CHID1: variants seen among roughly 807,000 people sequenced by gnomAD.
CHID1 encodes the protein chitinase domain containing 1, also known as chitinase domain-containing protein 1.
CHID1 carries 44 observed loss-of-function variants against 55.4 expected under a neutral mutation model. The ratio of observed to expected loss-of-function variants is 0.79; its 90% CI spans 0.62 to 1.02. The LOEUF (loss-of-function observed/expected upper bound fraction) is 1.02, where lower values mean the gene tolerates loss of function less well. Among genes scored for constraint, CHID1 ranks in the 50% least tolerant of loss-of-function variants. The pLI is 0.00. For synonymous variants in CHID1, 216 were observed against 212.9 expected, an observed-to-expected ratio of 1.01 and a Z score of -0.13; for missense variants, 491 against 515.3, an observed-to-expected ratio of 0.95 and a Z score of 0.46.
rs76779017 is a variant in CHID1 at position 907,479 on chromosome 11, TA to T, written c.-43-2621del. ...CTGGGCGACGGTGCGAGACTGTCTT[TA>T]AAAAAAAAAAAAAAGTGATTCTACT... On this transcript the variant is annotated intron_variant, in intron 1 of 12. Transcript: ENST00000323578. 8.1e-3 allele frequency among the ~76,000 whole-genome samples: 1,155 copies of T among 141,836 alleles called. 6 individuals carry two copies. The highest frequency in any genetic ancestry group is 0.032 in the Admixed American group (456 of 14,270). The allele number at this position is 141,836 out of a possible 152,430, so 93.0% of individuals were successfully genotyped here.
chr11:877,150 G>A (rs1405163327), intron 10 of CHID1, among the ~76,000 whole-genome samples: 2 of 152,094 alleles, frequency 1.3e-5, no homozygotes, highest in East Asian at 3.9e-4. Flanking sequence ...GGGTCCTGAG[G>A]GCATACACCC....
intron 8 of CHID1, among the ~76,000 whole-genome samples, chr11:885,036 G>T (rs1466265629): frequency 6.6e-6 from 1 of 152,238 alleles, no homozygotes; most frequent in Non-Finnish European, 1.5e-5. Context: ...CAACACCGAG[G>T]GGGCGGAGGG....
chr11:914,366 C>G (rs193139764), upstream of CHID1: 428 of 420,292 alleles, frequency 1.0e-3, 5 homozygotes, highest in East Asian at 0.023. Context: ...CCAGGTCTGA[C>G]CTGCCCTGAG....
chr11:870,403 A>C lies in CHID1; in HGVS notation c.1040+16T>G. 2 of 1,600,022 alleles carry C rather than the reference A, an allele frequency of 1.2e-6. No individual in the cohort carries two copies. Among genetic ancestry groups the C allele is most frequent in the Non-Finnish European group, 1.7e-6 (2 of 1,170,152 alleles). The stretch of plus-strand genomic sequence containing the variant: ...CACACAAGGCCAAGGTGGGCCACGC[A>C]CTTCAAAACACTCACTTCTTGTACT... On this transcript the variant is annotated intron_variant, in intron 11 of 12. Transcript: ENST00000323578.
intron 7 of CHID1, among the ~76,000 whole-genome samples, chr11:896,144 A>G (rs1341308017): frequency 6.9e-6 from 1 of 145,660 alleles, no homozygotes; most frequent in Non-Finnish European, 1.5e-5. Context: ...CCCAGACACG[A>G]GCCTGTCTCA....
intron 2 of CHID1, among the ~76,000 whole-genome samples, chr11:904,311 A>C (rs937192674): frequency 2.0e-5 from 3 of 152,228 alleles, no homozygotes; most frequent in African/African-American, 7.2e-5. Context: ...TGCAATCCCC[A>C]GGGCCATCCC....
intron 5 of CHID1, 26 bp downstream of exon 5, chr11:900,910 C>T (rs1003397685): frequency 1.9e-6 from 3 of 1,592,442 alleles, no homozygotes; most frequent in Non-Finnish European, 2.6e-6. Flanking sequence ...CCATCAGGGC[C>T]TCCACTCCTG....
At chr11:884,296 T>A (rs1850235092) in intron 8 of CHID1, 127 bp from the exon 9 acceptor site, 1 of 663,528 alleles carries the variant, frequency 1.5e-6, no homozygotes, top group Non-Finnish European at 2.6e-6. Flanking sequence ...AGTGTTCTTC[T>A]GGGGTGGGGA....
chr11:872,216 G>A (rs1798223548), intron 10 of CHID1, among the ~76,000 whole-genome samples: 1 of 152,188 alleles, frequency 6.6e-6, no homozygotes, highest in Non-Finnish European at 1.5e-5. Context: ...GGAGTGCAGT[G>A]GCATGATCTT....
intron 1 of CHID1, among the ~76,000 whole-genome samples, chr11:905,628 C>T (rs1284546278): frequency 6.6e-6 from 1 of 151,904 alleles, no homozygotes; most frequent in African/African-American, 2.4e-5. Flanking sequence ...CAAGATCATG[C>T]CACTGCACTC....
At chr11:895,683 T>C (rs192875511) in intron 7 of CHID1, among the ~76,000 whole-genome samples, 48 of 152,260 alleles carry the variant, frequency 3.2e-4, no homozygotes, top group African/African-American at 1.1e-3. Context: ...CCTGAGCCTC[T>C]GTCCAGGGCC....
At chr11:893,329 G>A (rs1850979937) in intron 8 of CHID1, 98 bp downstream of exon 8, 1 of 939,114 alleles carries the variant, frequency 1.1e-6, no homozygotes. Flanking sequence ...TGGGTGCTGA[G>A]CAGGAGGGCC....
At chr11:892,131 A>G (rs1850885347) in intron 8 of CHID1, among the ~76,000 whole-genome samples, 1 of 152,074 alleles carries the variant, frequency 6.6e-6, no homozygotes, top group Admixed American at 6.5e-5. Context: ...AAAGAAAAAG[A>G]AAAGAAAAAG....
intron 8 of CHID1, among the ~76,000 whole-genome samples, chr11:886,700 G>C (rs1850424719): frequency 6.6e-6 from 1 of 152,224 alleles, no homozygotes; most frequent in South Asian, 2.1e-4. Flanking sequence ...CTTGCCGGAA[G>C]GTGGGCTTCG....
intron 2 of CHID1, chr11:903,737 C>T (rs866551935): frequency 1.5e-4 from 34 of 220,218 alleles, no homozygotes; most frequent in African/African-American, 6.4e-4. Context: ...GCCAAGATCG[C>T]GCCATTGCGC....
At chr11:899,469 C>T in intron 6 of CHID1, 68 bp from the exon 7 acceptor site, 1 of 1,429,602 alleles carries the variant, frequency 7.0e-7, no homozygotes, top group Non-Finnish European at 9.6e-7. Flanking sequence ...AGACAAGAAG[C>T]CCGCCACCTC....
chr11:900,997 G>A lies in CHID1; in HGVS notation c.395-17C>T, dbSNP rs773644027. On this transcript the variant is annotated splice_polypyrimidine_tract_variant and intron_variant, in intron 4 of 12. Transcript: ENST00000323578. ...GCATCCACCCTGTGGGACATGGAGG[G>A]GACAGTCAACACAGGCACGTGCGCC... The A allele has an allele frequency of 1.9e-6, 3 of 1,594,628 alleles. No homozygotes were observed. The highest frequency in any genetic ancestry group is 2.3e-5 in the East Asian group (1 of 42,766).
chr11:881,853 A>C (rs1849962170), intron 10 of CHID1, among the ~76,000 whole-genome samples: 1 of 151,654 alleles, frequency 6.6e-6, no homozygotes, highest in African/African-American at 2.4e-5. Flanking sequence ...AAAATACAAA[A>C]ATTAGCGGGG....
intron 8 of CHID1, among the ~76,000 whole-genome samples, chr11:890,051 T>C (rs1174994757): frequency 6.6e-6 from 1 of 151,680 alleles, no homozygotes; most frequent in Non-Finnish European, 1.5e-5. Context: ...TTGGGTCCCC[T>C]GGCCCCTGTC....
Sources: gnomAD v4.1 joint callset for allele counts (sites outside exome capture counted in the v4.1 genomes callset) on GRCh38, gnomAD v4.1.1 for gene constraint, MANE v1.5 for transcripts, NCBI Gene and HGNC (gene_info 2026-07-23, HGNC 2026-07-21) for gene names.